ZPR1: variants seen among roughly 807,000 people sequenced by gnomAD.
The protein encoded by ZPR1 is ZPR1 zinc finger, also known as zinc finger protein ZPR1.
A neutral mutation model predicts 59.6 loss-of-function variants in ZPR1; 37 were observed. That is an observed-to-expected ratio of 0.62 (90% CI 0.48 to 0.82). The LOEUF (loss-of-function observed/expected upper bound fraction) is 0.82. Among genes scored for constraint, ZPR1 ranks in the 40% least tolerant of loss-of-function variants. ZPR1 has a pLI of 0.00. For missense variants in ZPR1, 527 were observed against 579.9 expected (o/e 0.91, Z 0.94); for synonymous variants, 191 against 215.2 (o/e 0.89, Z 0.99).
Position 116,787,966 on chromosome 11 carries a change from G to C in ZPR1, c.25C>G (p.Pro9Ala). 2.1e-6 allele frequency: 3 copies of C among 1,450,298 alleles called. No individual in the cohort carries two copies. The highest frequency in any genetic ancestry group is 2.7e-6 in the Non-Finnish European group (3 of 1,113,272). 89.8% of individuals were successfully genotyped at this position (1,450,298 alleles called of 1,614,324 possible). A position where few individuals can be genotyped will look rare whatever the true frequency, so the allele number is the denominator to read the frequency against. Residue 9 changes from proline to alanine, a missense_variant, in exon 1 of 14, where the codon CCA (proline) becomes GCA (alanine). Pro to Ala is a conservative substitution (Grantham distance 27). Coordinates refer to ENST00000227322, the MANE Select transcript of ZPR1 (RefSeq NM_003904.5). Reference sequence around the variant, plus strand: ...GCGACGGCAGCCCCCGGGGGCCCTGGTTCCACAGCCCCGCTGGCCGCCATG... The same window carrying C: ...GCGACGGCAGCCCCCGGGGGCCCTGCTTCCACAGCCCCGCTGGCCGCCATG... MAASGAVE[P>A]GPPGAAVAPS...
intron 4 of ZPR1, 72 bp downstream of exon 4, chr11:116,786,439 C>T (rs943871043): frequency 1.3e-6 from 2 of 1,564,348 alleles, no homozygotes; most frequent in Admixed American, 3.4e-5. Flanking sequence ...GTCAGAGACT[C>T]TTCAGACACA....
In ZPR1 at chr11:116,784,845, C is replaced by G. The variant is rs1192721320; in HGVS notation, c.820+10G>C. 1 of 1,614,130 alleles carries G rather than the reference C, an allele frequency of 6.2e-7. No homozygotes were observed. The highest frequency in any genetic ancestry group is 1.1e-5 in the South Asian group (1 of 91,068). Reference sequence around the variant, plus strand: ...GATGAAGAGCAACCCAACTGCTTGGCAAAAGATACGTACTAGCTTCATGTT... The same window carrying G: ...GATGAAGAGCAACCCAACTGCTTGGGAAAAGATACGTACTAGCTTCATGTT... On this transcript the variant is annotated intron_variant, in intron 8 of 13. Coordinates refer to ENST00000227322, the MANE Select transcript of ZPR1 (RefSeq NM_003904.5).
At chr11:116,784,515 C>A in intron 8 of ZPR1, 67 bp from the exon 9 acceptor site, 1 of 1,420,530 alleles carries the variant, frequency 7.0e-7, no homozygotes. Context: ...AAAAACAAAG[C>A]CAAACCCCAC....
rs1940897408 is a variant in ZPR1, at chr11:116,786,990, G to A, written c.403C>T (p.Pro135Ser). Residue 135 changes from proline (P) to serine (S), a missense_variant, in exon 3 of 14, where the codon CCT becomes TCT. Transcript: ENST00000227322. Reference protein sequence around the residue: ...TRIPELDFEIPAFSQKGALTT... With the variant: ...TRIPELDFEISAFSQKGALTT... ...TTACCTCCTTTCTGGCTAAAGGCAG[G>A]AATTTCAAAATCTAGCTCAGGAATC... 4 of 1,613,962 alleles carry A rather than the reference G, an allele frequency of 2.5e-6. No individual in the cohort carries two copies. Among genetic ancestry groups the A allele is most frequent in the Non-Finnish European group, 3.4e-6 (4 of 1,179,954 alleles).
intron 11 of ZPR1, among the ~76,000 whole-genome samples, chr11:116,782,638 T>C (rs933084744): frequency 1.3e-5 from 2 of 152,226 alleles, no homozygotes; most frequent in Non-Finnish European, 2.9e-5. Context: ...TTTTAGGTGC[T>C]AGAAGGACCC....
At position 116,777,124 on chromosome 11, in the gene ZPR1, T is replaced by C. The variant is rs1052646968; in HGVS notation, c.*1801A>G. On this transcript the variant is annotated 3_prime_UTR_variant, in exon 14 of 14. Coordinates refer to ENST00000227322, the MANE Select transcript of ZPR1 (RefSeq NM_003904.5). ...AAAGCAGAACTCTCAGAAACAAATTTAGTAAGAGGGGAGGAGGCAAAGTGT... is the reference window on the plus strand; with the variant it reads ...AAAGCAGAACTCTCAGAAACAAATTCAGTAAGAGGGGAGGAGGCAAAGTGT... The C allele has an allele frequency of 2.0e-5, 3 of 152,124 alleles. No homozygotes were observed. Among genetic ancestry groups the C allele is most frequent in the African/African-American group, 7.2e-5 (3 of 41,412 alleles). 9.4% of individuals were successfully genotyped at this position (152,124 alleles called of 1,614,324 possible).
At position 116,775,627 on chromosome 11, in the gene ZPR1, C is replaced by CAAAAAAAAAAAA. The variant is rs36148817; in HGVS notation, c.*3286_*3297dup. 13 of 72,942 alleles carry CAAAAAAAAAAAA rather than the reference C, an allele frequency of 1.8e-4. No homozygotes were observed. The highest frequency in any genetic ancestry group is 8.6e-4 in the South Asian group (1 of 1,160). 4.5% of individuals were successfully genotyped at this position (72,942 alleles called of 1,614,324 possible). A position where few individuals can be genotyped will look rare whatever the true frequency, so the allele number is the denominator to read the frequency against. On this transcript the variant is annotated 3_prime_UTR_variant, in exon 14 of 14. Coordinates refer to ENST00000227322, the MANE Select transcript of ZPR1 (RefSeq NM_003904.5). Reference sequence around the variant, plus strand: ...TGGGCAACAGAGTGAGACTCCGTCTCAAAAAAAAAAAAAAAAAAAAAAAAA... The same window carrying CAAAAAAAAAAAA: ...TGGGCAACAGAGTGAGACTCCGTCTCAAAAAAAAAAAAAAAAAAAAAAAAAAAAAAAAAAAAA...
intron 3 of ZPR1, 41 bp from the exon 4 acceptor site, chr11:116,786,622 G>T: frequency 6.4e-7 from 1 of 1,567,906 alleles, no homozygotes; most frequent in Non-Finnish European, 8.8e-7. Flanking sequence ...CTTAGCCTCA[G>T]CTCTGCTATC....
At chr11:116,781,476 A>C (rs1940804037) in intron 12 of ZPR1, among the ~76,000 whole-genome samples, 1 of 152,352 alleles carries the variant, frequency 6.6e-6, no homozygotes, top group Middle Eastern at 3.4e-3. Flanking sequence ...ACTATAGTAC[A>C]ATGTCTTTAC....
intron 8 of ZPR1, 148 bp from the exon 9 acceptor site, chr11:116,784,596 G>T: frequency 1.1e-6 from 1 of 886,466 alleles, no homozygotes; most frequent in Non-Finnish European, 1.9e-6. Flanking sequence ...CTCCAGAAGA[G>T]GGCAAGTTCC....
At chr11:116,783,681 G>C in intron 9 of ZPR1, 62 bp from the exon 10 acceptor site, 2 of 1,363,794 alleles carry the variant, frequency 1.5e-6, no homozygotes, top group Non-Finnish European at 2.1e-6. Context: ...GTACCCAGGA[G>C]ACCTGGAGTG....
intron 9 of ZPR1, among the ~76,000 whole-genome samples, chr11:116,783,830 C>T (rs186494205): frequency 1.0e-3 from 152 of 149,948 alleles, no homozygotes; most frequent in African/African-American, 3.4e-3. Flanking sequence ...AAAACTTATC[C>T]CAAATTGCCA....
rs1048625349 is a variant in ZPR1 at position 116,774,076 on chromosome 11, C to G, written c.*4849G>C. On this transcript the variant is annotated 3_prime_UTR_variant, in exon 14 of 14. Coordinates refer to ENST00000227322, the MANE Select transcript of ZPR1 (RefSeq NM_003904.5). Reference sequence around the variant, plus strand: ...ATATATGTTAGATTGTCAGTTTTATCGTTTTCTTCCCAGCTTTATTATTTG... The same window carrying G: ...ATATATGTTAGATTGTCAGTTTTATGGTTTTCTTCCCAGCTTTATTATTTG... 1 of 152,054 alleles carries G rather than the reference C, an allele frequency of 6.6e-6. No individual in the cohort carries two copies. 9.4% of individuals were successfully genotyped at this position (152,054 alleles called of 1,614,324 possible).
At position 116,778,144 on chromosome 11, in the gene ZPR1, A is replaced by G. The variant is rs1940748629; in HGVS notation, c.*781T>C. ...CCATTTCCTTGCACAACCCAGCCCC[A>G]TTCCCTGCTTTACATTCCTCCATGA... On this transcript the variant is annotated 3_prime_UTR_variant, in exon 14 of 14. Coordinates refer to ENST00000227322, the MANE Select transcript of ZPR1 (RefSeq NM_003904.5). The G allele has an allele frequency of 6.6e-6, 1 of 152,122 alleles. No homozygotes were observed. The highest frequency in any genetic ancestry group is 6.6e-5 in the Admixed American group (1 of 15,258). 9.4% of individuals were successfully genotyped at this position (152,122 alleles called of 1,614,324 possible). A position where few individuals can be genotyped will look rare whatever the true frequency, so the allele number is the denominator to read the frequency against.
intron 12 of ZPR1, among the ~76,000 whole-genome samples, chr11:116,780,264 G>A (rs1336542361): frequency 1.3e-5 from 2 of 149,864 alleles, no homozygotes; most frequent in East Asian, 4.0e-4. Flanking sequence ...TGTGGACTAG[G>A]GGGTGCTGGC....
In ZPR1 at chr11:116,774,986, C is replaced by T. The variant is rs1940702833; in HGVS notation, c.*3939G>A. The T allele has an allele frequency of 6.6e-6, 1 of 152,382 alleles. No homozygotes were observed. Among genetic ancestry groups the T allele is most frequent in the Non-Finnish European group, 1.5e-5 (1 of 68,158 alleles). The allele number at this position is 152,382 out of a possible 1,614,324, so 9.4% of individuals were successfully genotyped here. On this transcript the variant is annotated 3_prime_UTR_variant, in exon 14 of 14. Coordinates refer to ENST00000227322, the MANE Select transcript of ZPR1 (RefSeq NM_003904.5). Reference sequence around the variant, plus strand: ...CCTGACAAGGCCCAAGTGTCTCCACCCTGTGCTGCAGGGCAGTTAAGCAGG... The same window carrying T: ...CCTGACAAGGCCCAAGTGTCTCCACTCTGTGCTGCAGGGCAGTTAAGCAGG...
rs760523292 is a variant in ZPR1 at position 116,775,677 on chromosome 11, T to C, written c.*3248A>G. ...AAAAAAAAAAAGCTCTGCTTCCTTCTGGAAGTAACCTCTCTGAGGCTGTTT... is the reference window on the plus strand; with the variant it reads ...AAAAAAAAAAAGCTCTGCTTCCTTCCGGAAGTAACCTCTCTGAGGCTGTTT... On this transcript the variant is annotated 3_prime_UTR_variant, in exon 14 of 14. Transcript: ENST00000227322. 337 of 154,016 alleles carry C rather than the reference T, an allele frequency of 2.2e-3. No individual in the cohort carries two copies. Among genetic ancestry groups the C allele is most frequent in the Admixed American group, 4.6e-3 (62 of 13,616 alleles). 9.5% of individuals were successfully genotyped at this position (154,016 alleles called of 1,614,324 possible).
At position 116,774,696 on chromosome 11, in the gene ZPR1, G is replaced by A. The variant is rs1940699133; in HGVS notation, c.*4229C>T. 6.6e-6 allele frequency: 1 copy of A among 152,228 alleles called. No individual in the cohort carries two copies. The highest frequency in any genetic ancestry group is 2.4e-5 in the African/African-American group (1 of 41,432). The allele number at this position is 152,228 out of a possible 1,614,324, so 9.4% of individuals were successfully genotyped here. On this transcript the variant is annotated 3_prime_UTR_variant, in exon 14 of 14. Coordinates refer to ENST00000227322, the MANE Select transcript of ZPR1 (RefSeq NM_003904.5). The stretch of plus-strand genomic sequence containing the variant: ...TGAGGGCTTGTGAGACGAGGACGCT[G>A]GGCTGAGAAGATAGGGCTTCACTAG...
chr11:116,786,447 A>G, intron 4 of ZPR1, 64 bp downstream of exon 4: 1 of 1,579,936 alleles, frequency 6.3e-7, no homozygotes, highest in Admixed American at 1.7e-5. Context: ...CTCTTCAGAC[A>G]CATGGGACAC....
Sources: allele counts gnomAD v4.1 joint callset (sites outside exome capture counted in the v4.1 genomes callset), GRCh38; gene constraint gnomAD v4.1.1; transcripts MANE v1.5; gene names NCBI Gene and HGNC (gene_info 2026-07-23, HGNC 2026-07-21).